SPAG16: variants seen among roughly 807,000 people sequenced by gnomAD.
SPAG16 encodes the protein sperm associated antigen 16.
In SPAG16, 86 loss-of-function variants were observed where a neutral mutation model predicts 80.4. That is an observed-to-expected ratio of 1.07 (90% confidence interval 0.90 to 1.28). The LOEUF (loss-of-function observed/expected upper bound fraction) is 1.28. SPAG16 is among the 50% of genes most tolerant of loss of function. The pLI is 0.00. For synonymous variants in SPAG16, 294 were observed against 265.9 expected (o/e 1.11, Z -1.03); for missense variants, 870 against 765.3 (o/e 1.14, Z -1.61).
chr2:213,394,299 CTTTTA>C (rs1353422968), intron 9 of SPAG16, among the ~76,000 whole-genome samples: 3 of 151,956 alleles, frequency 2.0e-5, no homozygotes, highest in African/African-American at 4.8e-5. Context: ...TGATAAAATA[CTTTTA>C]TTTTAATCTA....
chr2:213,352,870 A>G (rs560558418), intron 7 of SPAG16, among the ~76,000 whole-genome samples: 1 of 152,348 alleles, frequency 6.6e-6, no homozygotes, highest in East Asian at 1.9e-4. Context: ...TAACCTGCAT[A>G]TTAAAGACTA....
intron 15 of SPAG16, chr2:214,238,849 A>C (rs1689257094): frequency 6.6e-6 from 1 of 152,040 alleles, no homozygotes; most frequent in African/African-American, 2.4e-5. Context: ...TTTTTTAGGA[A>C]TAAAGGATAT....
intron 11 of SPAG16, among the ~76,000 whole-genome samples, chr2:213,878,705 G>GTCTT (rs1451976363): frequency 6.6e-6 from 1 of 152,228 alleles, no homozygotes; most frequent in East Asian, 1.9e-4. Flanking sequence ...TGCTTCTGAG[G>GTCTT]TCTTAGTCAT....
chr2:213,559,546 C>T lies in SPAG16; in HGVS notation c.1070+69456C>T, dbSNP rs143542358. Reference sequence around the variant, plus strand: ...ATCAAACCACAAATTATGTTTTAGACTTTGAATATTTGTTACATTATAAAA... The same window carrying T: ...ATCAAACCACAAATTATGTTTTAGATTTTGAATATTTGTTACATTATAAAA... On this transcript the variant is annotated intron_variant, in intron 10 of 15. Coordinates refer to ENST00000331683, the MANE Select transcript of SPAG16 (RefSeq NM_024532.5). Among the ~76,000 whole-genome samples, 15 of 152,210 alleles carry T rather than the reference C, an allele frequency of 9.9e-5. No individual in the cohort carries two copies. In the East Asian group the frequency reaches 2.9e-3, roughly 29 times the overall value.
intron 10 of SPAG16, among the ~76,000 whole-genome samples, chr2:213,527,526 T>C (rs1452932515): frequency 6.6e-6 from 1 of 152,212 alleles, no homozygotes; most frequent in Non-Finnish European, 1.5e-5. Context: ...TGATCAATAA[T>C]AATTTCTGCC....
intron 10 of SPAG16, among the ~76,000 whole-genome samples, chr2:213,765,510 T>C (rs1285224224): frequency 6.6e-6 from 1 of 152,234 alleles, no homozygotes; most frequent in African/African-American, 2.4e-5. Flanking sequence ...TGAGTCTATA[T>C]GTGTATATTC....
At chr2:213,681,049 G>C (rs566479712) in intron 10 of SPAG16, among the ~76,000 whole-genome samples, 1 of 152,328 alleles carries the variant, frequency 6.6e-6, no homozygotes, top group South Asian at 2.1e-4. Flanking sequence ...TTCAGAGAGA[G>C]AGAGCAGGTT....
chr2:213,317,604 C>A (rs1043647), intron 5 of SPAG16: 306,196 of 1,113,212 alleles, frequency 0.28, 45,805 homozygotes, highest in Non-Finnish European at 0.3. Context: ...TTTTATATAA[C>A]ATTCACTTCC....
At chr2:214,192,893 C>G (rs192389376) in intron 15 of SPAG16, among the ~76,000 whole-genome samples, 22 of 152,192 alleles carry the variant, frequency 1.4e-4, no homozygotes, top group Admixed American at 9.8e-4. Context: ...TGAGATTTTG[C>G]AATGGGGATT....
intron 9 of SPAG16, among the ~76,000 whole-genome samples, chr2:213,413,305 AT>A (rs1397336564): frequency 6.6e-6 from 1 of 152,074 alleles, no homozygotes; most frequent in Non-Finnish European, 1.5e-5. Flanking sequence ...TATTATTTAA[AT>A]TTTTTTGAAG....
At chr2:213,747,425 A>G (rs2067876557) in intron 10 of SPAG16, among the ~76,000 whole-genome samples, 1 of 152,238 alleles carries the variant, frequency 6.6e-6, no homozygotes, top group African/African-American at 2.4e-5. Flanking sequence ...AATGTACACT[A>G]GCGTCCTAGG....
intron 12 of SPAG16, among the ~76,000 whole-genome samples, chr2:213,967,397 T>C (rs1179337340): frequency 1.3e-5 from 2 of 152,008 alleles, no homozygotes; most frequent in Admixed American, 1.3e-4. Flanking sequence ...CAAAGCTAAA[T>C]CTTAAAGGTA....
chr2:213,299,846 C>T (rs1312894091), intron 3 of SPAG16, among the ~76,000 whole-genome samples: 1 of 151,916 alleles, frequency 6.6e-6, no homozygotes, highest in Non-Finnish European at 1.5e-5. Flanking sequence ...AAGTATTTTA[C>T]AGGTATGAAT....
chr2:213,522,298 C>G (rs1355201713), intron 10 of SPAG16, among the ~76,000 whole-genome samples: 6 of 152,150 alleles, frequency 3.9e-5, no homozygotes, highest in Non-Finnish European at 8.8e-5. Flanking sequence ...ATTGACAAAT[C>G]AAGGTATTTC....
At chr2:214,106,467 T>C (rs185890685) in intron 13 of SPAG16, among the ~76,000 whole-genome samples, 110 of 152,284 alleles carry the variant, frequency 7.2e-4, no homozygotes, top group Admixed American at 1.6e-3. Flanking sequence ...TTTAAATTTA[T>C]GTGGGGAAAT....
At chr2:214,310,885 T>C (rs1423396392) in intron 15 of SPAG16, among the ~76,000 whole-genome samples, 4 of 152,040 alleles carry the variant, frequency 2.6e-5, no homozygotes, top group African/African-American at 9.7e-5. Context: ...TTTACACTGT[T>C]TTGCAGTGAT....
intron 9 of SPAG16, among the ~76,000 whole-genome samples, chr2:213,380,204 C>A (rs2067098068): frequency 6.6e-6 from 1 of 152,240 alleles, no homozygotes; most frequent in Admixed American, 6.5e-5. Context: ...ACCAGTTGCA[C>A]TGCTCTAAGT....
At chr2:213,743,527 G>A (rs2067680344) in intron 10 of SPAG16, among the ~76,000 whole-genome samples, 1 of 152,090 alleles carries the variant, frequency 6.6e-6, no homozygotes, top group African/African-American at 2.4e-5. Context: ...TCAGCATACA[G>A]GAATGCTTTT....
rs766239137 is a variant in SPAG16 at position 214,053,349 on chromosome 2, AG to A, written c.1527+39273del. 3.3e-5 allele frequency among the ~76,000 whole-genome samples: 5 copies of A among 152,338 alleles called. No individual in the cohort carries two copies. In the South Asian group the frequency reaches 8.3e-4, roughly 25 times the overall value. On this transcript the variant is annotated intron_variant, in intron 13 of 15. Coordinates refer to ENST00000331683, the MANE Select transcript of SPAG16 (RefSeq NM_024532.5). Reference sequence around the variant, plus strand: ...CATTCTTCAGTTATAATTAGAACCAAGATTGTCTTTGCTTAATAAGGCCTGA... The same window carrying A: ...CATTCTTCAGTTATAATTAGAACCAAATTGTCTTTGCTTAATAAGGCCTGA...
Sources: gnomAD v4.1 joint callset for allele counts (sites outside exome capture counted in the v4.1 genomes callset) on GRCh38, gnomAD v4.1.1 for gene constraint, MANE v1.5 for transcripts, NCBI Gene and HGNC (gene_info 2026-07-23, HGNC 2026-07-21) for gene names.